The following NTM variants were observed in gnomAD, a reference collection of about 807,000 sequenced individuals.
NTM encodes the protein neurotrimin.
Under a neutral mutation model 42.1 loss-of-function variants are expected in NTM, and 13 were observed. The observed-to-expected ratio is 0.31, with a 90% CI of 0.20 to 0.49. The LOEUF (loss-of-function observed/expected upper bound fraction) is 0.49. Ranked by LOEUF, NTM falls within the 20% of genes least tolerant of loss-of-function variation. The pLI is 0.99. For missense variants in NTM, 373 were observed against 452.8 expected (o/e 0.82, Z 1.60); for synonymous variants, 187 against 179.2 (o/e 1.04, Z -0.35).
At chr11:132,178,581 TAGAC>T (rs201773268) in intron 3 of NTM, among the ~76,000 whole-genome samples, 3,375 of 152,306 alleles carry the variant, frequency 0.022, 55 homozygotes, top group Non-Finnish European at 0.034. Flanking sequence ...AAAAGTTTGA[TAGAC>T]AGCCTTTTCA....
chr11:131,521,383 C>CTTTTTTTTTTT lies in NTM; in HGVS notation c.82+150524_82+150534dup, dbSNP rs773233050. Among the ~76,000 whole-genome samples the CTTTTTTTTTTT allele has an allele frequency of 1.3e-4, 6 of 45,756 alleles. 1 individual carries two copies. Among genetic ancestry groups the CTTTTTTTTTTT allele is most frequent in the Non-Finnish European group, 2.0e-4 (5 of 25,550 alleles). 30.0% of individuals were successfully genotyped at this position (45,756 alleles called of 152,430 possible). A position where few individuals can be genotyped will look rare whatever the true frequency, so the allele number is the denominator to read the frequency against. ...AATGCAGAAGAAGCAAGGTGCCAGT[C>CTTTTTTTTTTT]TTTTTTTTTTTTTTTTTTTTTTTTT... is the stretch of plus-strand genomic sequence containing the variant. On this transcript the variant is annotated intron_variant, in intron 1 of 8. Transcript: ENST00000683400.
chr11:131,552,111 A>G (rs1342609913), intron 1 of NTM, among the ~76,000 whole-genome samples: 1 of 152,104 alleles, frequency 6.6e-6, no homozygotes, highest in Non-Finnish European at 1.5e-5. Flanking sequence ...AAAAAGGCAC[A>G]CCCACCAGAA....
intron 1 of NTM, among the ~76,000 whole-genome samples, chr11:131,467,793 A>G (rs1952033456): frequency 6.6e-6 from 1 of 152,220 alleles, no homozygotes; most frequent in Non-Finnish European, 1.5e-5. Flanking sequence ...CACAGTCTAG[A>G]CAGGCTAAAA....
intron 2 of NTM, among the ~76,000 whole-genome samples, chr11:132,089,064 G>T (rs1594554012): frequency 6.6e-6 from 1 of 152,286 alleles, no homozygotes; most frequent in East Asian, 1.9e-4. Flanking sequence ...AGTAGAGAAA[G>T]ACTTTCTGGT....
intron 1 of NTM, chr11:131,795,428 A>G (rs917988327): frequency 1.0e-6 from 1 of 985,380 alleles, no homozygotes; most frequent in Non-Finnish European, 1.2e-6. Flanking sequence ...TAAATACACT[A>G]TTGGTATAAA....
chr11:131,943,916 TA>T (rs1201170961), intron 2 of NTM, among the ~76,000 whole-genome samples: 1 of 57,114 alleles, frequency 1.8e-5, no homozygotes, highest in Non-Finnish European at 3.5e-5. Context: ...CACATTTTTC[TA>T]AAAGGAAAAA....
chr11:131,380,024 C>T (rs1360880976), intron 1 of NTM, among the ~76,000 whole-genome samples: 1 of 152,142 alleles, frequency 6.6e-6, no homozygotes, highest in Non-Finnish European at 1.5e-5. Context: ...CTCAGTTTGC[C>T]TCTCTCCTAA....
At chr11:131,480,487 G>T (rs1953456438) in intron 1 of NTM, among the ~76,000 whole-genome samples, 1 of 152,184 alleles carries the variant, frequency 6.6e-6, no homozygotes, top group Non-Finnish European at 1.5e-5. Context: ...GGTCTCCCAT[G>T]ACGAAACTCA....
chr11:131,960,150 A>G lies in NTM; in HGVS notation c.167+48502A>G, dbSNP rs140708522. On this transcript the variant is annotated intron_variant, in intron 2 of 8. Coordinates refer to ENST00000683400, the MANE Select transcript of NTM (RefSeq NM_001352005.2). ...AGCGTAAAAGTCACAGGGTGTTCAG[A>G]AGGGGCAAGTTAAGGCCTACTTCCA... is the stretch of plus-strand genomic sequence containing the variant. Among the ~76,000 whole-genome samples the G allele has an allele frequency of 1.1e-3, 173 of 152,274 alleles. No homozygotes were observed. The Middle Eastern group carries it at 0.014, about 12-fold the overall frequency.
At chr11:132,307,008 C>A (rs930474310) in intron 4 of NTM, among the ~76,000 whole-genome samples, 1 of 152,148 alleles carries the variant, frequency 6.6e-6, no homozygotes, top group Admixed American at 6.5e-5. Flanking sequence ...GGATTCGCAG[C>A]CACGTCGCCT....
chr11:132,299,372 G>A (rs537529685), intron 4 of NTM, among the ~76,000 whole-genome samples: 119 of 152,140 alleles, frequency 7.8e-4, no homozygotes, highest in Non-Finnish European at 1.5e-3. Context: ...AGTGAACATG[G>A]AAGTTGTTTG....
intron 1 of NTM, among the ~76,000 whole-genome samples, chr11:131,521,014 A>G (rs562541438): frequency 6.6e-6 from 1 of 152,276 alleles, no homozygotes; most frequent in East Asian, 1.9e-4. Flanking sequence ...GGTAAGAAGA[A>G]GGAAGCAAGA....
chr11:131,807,207 G>T (rs1404495524), intron 1 of NTM, among the ~76,000 whole-genome samples: 1 of 152,180 alleles, frequency 6.6e-6, no homozygotes, highest in Admixed American at 6.5e-5. Context: ...AATTTGTCCA[G>T]GTCATCAAGG....
At chr11:131,626,224 T>C (rs896741575) in intron 1 of NTM, among the ~76,000 whole-genome samples, 1 of 152,172 alleles carries the variant, frequency 6.6e-6, no homozygotes, top group Non-Finnish European at 1.5e-5. Context: ...TAAATAGTAC[T>C]GAGGAAGATA....
In NTM at chr11:132,323,793, T is replaced by C. The variant is rs373645923; in HGVS notation, c.935-6360T>C. 2.8e-3 allele frequency among the ~76,000 whole-genome samples: 423 copies of C among 152,080 alleles called. 2 individuals carry two copies. The highest frequency in any genetic ancestry group is 0.01 in the Middle Eastern group (3 of 294). On this transcript the variant is annotated intron_variant, in intron 7 of 8. Coordinates refer to ENST00000683400, the MANE Select transcript of NTM (RefSeq NM_001352005.2). ...AATCCTCAATAAAATACTGGCAAAC[T>C]GAATCCAGCAGCACATCAAAAAGCT...
At chr11:131,625,560 A>T (rs2063018283) in intron 1 of NTM, among the ~76,000 whole-genome samples, 4 of 149,442 alleles carry the variant, frequency 2.7e-5, no homozygotes. Flanking sequence ...GAAAGGCTTC[A>T]TTTTTTTTTT....
chr11:132,314,890 CAGACAGAAAG>C (rs1358779047), intron 7 of NTM, 187 bp downstream of exon 7: 2 of 1,350,300 alleles, frequency 1.5e-6, no homozygotes, highest in South Asian at 2.2e-5. Flanking sequence ...AGGGAGGAGG[CAGACAGAAAG>C]AGAAAGAACA....
At chr11:131,840,664 A>G (rs1453950110) in intron 1 of NTM, among the ~76,000 whole-genome samples, 2 of 152,194 alleles carry the variant, frequency 1.3e-5, no homozygotes, top group Non-Finnish European at 2.9e-5. Context: ...AAGAAGTGAA[A>G]TGACCTAAAA....
At chr11:132,300,344 T>C (rs2094798471) in intron 4 of NTM, among the ~76,000 whole-genome samples, 1 of 152,246 alleles carries the variant, frequency 6.6e-6, no homozygotes, top group Non-Finnish European at 1.5e-5. Flanking sequence ...AGTCATTTAA[T>C]GCTCACAATA....
Sources: gnomAD v4.1 joint callset for allele counts (sites outside exome capture counted in the v4.1 genomes callset) on GRCh38, gnomAD v4.1.1 for gene constraint, MANE v1.5 for transcripts, NCBI Gene and HGNC (gene_info 2026-07-23, HGNC 2026-07-21) for gene names.